The following GALK2 variants were observed in gnomAD, a reference collection of about 807,000 sequenced individuals.
GALK2 encodes galactokinase 2.
In GALK2, 36 loss-of-function variants were observed where a neutral mutation model predicts 52.4. That is an observed-to-expected ratio of 0.69 (90% CI 0.53 to 0.91). The LOEUF (loss-of-function observed/expected upper bound fraction) is 0.91, where lower values mean the gene tolerates loss of function less well. Among genes scored for constraint, GALK2 ranks in the 40% least tolerant of loss-of-function variants. The pLI is 0.00. For synonymous variants in GALK2, 176 were observed against 199.1 expected (o/e 0.88, Z 0.98); for missense variants, 579 against 559.1 (o/e 1.04, Z -0.36).
At chr15:49,286,714 A>G (rs925902177) in intron 7 of GALK2, among the ~76,000 whole-genome samples, 20 of 152,204 alleles carry the variant, frequency 1.3e-4, no homozygotes, top group Non-Finnish European at 2.9e-5. Context: ...AAACTTTTTA[A>G]TATCAAGGGT....
At chr15:49,192,108 C>A (rs191859058) in intron 1 of GALK2, among the ~76,000 whole-genome samples, 1 of 152,028 alleles carries the variant, frequency 6.6e-6, no homozygotes, top group African/African-American at 2.4e-5. Context: ...CACTTCCTTA[C>A]TTTCTGGTAT....
rs182664750 is a variant in GALK2 at position 49,237,332 on chromosome 15, C to G, written c.357+1391C>G. Among the ~76,000 whole-genome samples the G allele has an allele frequency of 5.4e-4, 83 of 152,298 alleles. 1 individual carries two copies. The highest frequency in any genetic ancestry group is 4.6e-3 in the Admixed American group (71 of 15,296). ...CTAGAAAGTTTCAGAGAATAATTCA[C>G]TTATATTACATTGAACATGTTATCC... is the stretch of plus-strand genomic sequence containing the variant. On this transcript the variant is annotated intron_variant, in intron 4 of 9. Coordinates refer to ENST00000560031, the MANE Select transcript of GALK2 (RefSeq NM_002044.4).
intron 1 of GALK2, chr15:49,156,708 A>G (rs568022763): frequency 1.3e-5 from 7 of 526,572 alleles, no homozygotes; most frequent in Admixed American, 6.7e-5. Context: ...CATAAACTTT[A>G]TCCAGAAACA....
intron 1 of GALK2, among the ~76,000 whole-genome samples, chr15:49,177,011 A>G (rs2085514417): frequency 6.6e-6 from 1 of 152,062 alleles, no homozygotes; most frequent in Non-Finnish European, 1.5e-5. Flanking sequence ...TCAATTTTAG[A>G]AATTTGTATT....
At chr15:49,224,654 T>A (rs2090024212) in intron 3 of GALK2, among the ~76,000 whole-genome samples, 1 of 152,224 alleles carries the variant, frequency 6.6e-6, no homozygotes, top group Admixed American at 6.5e-5. Flanking sequence ...CAGCTTTATT[T>A]CTGGGTTTTC....
At chr15:49,225,367 G>A (rs766605198) in intron 3 of GALK2, 92 of 390,138 alleles carry the variant, frequency 2.4e-4, no homozygotes, top group Non-Finnish European at 4.3e-4. Context: ...GTGGGTGAGT[G>A]AGCATTATTA....
intron 8 of GALK2, among the ~76,000 whole-genome samples, chr15:49,302,277 G>A (rs1596030288): frequency 6.6e-6 from 1 of 152,154 alleles, no homozygotes; most frequent in East Asian, 1.9e-4. Context: ...AGACTAAGGA[G>A]TAATGATAAA....
intron 3 of GALK2, among the ~76,000 whole-genome samples, chr15:49,226,161 A>G (rs2090123880): frequency 6.6e-6 from 1 of 152,104 alleles, no homozygotes. Flanking sequence ...CATTCCATAT[A>G]GGCTGGAGTA....
chr15:49,193,245 G>T (rs1010092958), intron 1 of GALK2, among the ~76,000 whole-genome samples: 1 of 151,926 alleles, frequency 6.6e-6, no homozygotes, highest in Non-Finnish European at 1.5e-5. Context: ...CAGTCCACTC[G>T]CCTTGGCCTC....
chr15:49,248,847 A>C lies in GALK2; in HGVS notation c.504+9480A>C, dbSNP rs558957791. The stretch of plus-strand genomic sequence containing the variant: ...GTTTACCTTTAGCGTAAACGAAGGC[A>C]AACAAGCATAATTAGGGAACAGCAG... On this transcript the variant is annotated intron_variant, in intron 5 of 9. Transcript: ENST00000560031. Among the ~76,000 whole-genome samples, 3 of 152,326 alleles carry C rather than the reference A, an allele frequency of 2.0e-5. No homozygotes were observed. The East Asian group carries it at 5.8e-4, about 29-fold the overall frequency.
intron 3 of GALK2, among the ~76,000 whole-genome samples, chr15:49,342,633 A>G (rs945983794): frequency 1.3e-5 from 2 of 152,056 alleles, no homozygotes; most frequent in Non-Finnish European, 2.9e-5. Context: ...ATCTGTGGCT[A>G]TATATTCAAG....
intron 3 of GALK2, among the ~76,000 whole-genome samples, chr15:49,356,037 T>C (rs1271908951): frequency 6.6e-6 from 1 of 151,760 alleles, no homozygotes; most frequent in Non-Finnish European, 1.5e-5. Flanking sequence ...GACAAGCAAA[T>C]GCTGAGAGAT....
At position 49,331,513 on chromosome 15, in the gene GALK2, G is replaced by A. The variant is rs557609552; in HGVS notation, c.*3354G>A. 5.9e-5 allele frequency: 23 copies of A among 392,868 alleles called. No individual in the cohort carries two copies. Among genetic ancestry groups the A allele is most frequent in the African/African-American group, 4.7e-4 (23 of 49,098 alleles). The allele number at this position is 392,868 out of a possible 1,614,324, so 24.3% of individuals were successfully genotyped here. A position where few individuals can be genotyped will look rare whatever the true frequency, so the allele number is the denominator to read the frequency against. Reference sequence around the variant, plus strand: ...TTTAAACATCAGTGATTATTAGTTTGTAATTCTAACTGCATTTGGAGCTTT... The same window carrying A: ...TTTAAACATCAGTGATTATTAGTTTATAATTCTAACTGCATTTGGAGCTTT... On this transcript the variant is annotated 3_prime_UTR_variant, in exon 10 of 10. Transcript: ENST00000560031.
chr15:49,181,789 A>G (rs1358305941), intron 1 of GALK2, among the ~76,000 whole-genome samples: 2 of 151,970 alleles, frequency 1.3e-5, no homozygotes, highest in Non-Finnish European at 2.9e-5. Flanking sequence ...AATTCCCCAA[A>G]CTTAACATTT....
intron 3 of GALK2, among the ~76,000 whole-genome samples, chr15:49,218,729 A>G (rs1026439950): frequency 6.6e-6 from 1 of 152,222 alleles, no homozygotes; most frequent in African/African-American, 2.4e-5. Context: ...TTTTGCCTGT[A>G]TGAATAATAC....
chr15:49,313,355 G>A (rs547609830), intron 8 of GALK2, among the ~76,000 whole-genome samples: 2 of 152,356 alleles, frequency 1.3e-5, no homozygotes, highest in South Asian at 4.1e-4. Flanking sequence ...CCTCAGATGT[G>A]AGGATAGCTT....
At chr15:49,312,633 C>T (rs961520613) in intron 8 of GALK2, among the ~76,000 whole-genome samples, 1 of 152,126 alleles carries the variant, frequency 6.6e-6, no homozygotes, top group Non-Finnish European at 1.5e-5. Context: ...CTTTTGTATA[C>T]CTATATATCC....
chr15:49,334,905 A>G (rs1166148245), downstream of GALK2, among the ~76,000 whole-genome samples: 5 of 152,202 alleles, frequency 3.3e-5, no homozygotes. Context: ...ACCCATTCCT[A>G]GCTTCCTAGC....
At chr15:49,221,740 T>C (rs568788964) in intron 3 of GALK2, among the ~76,000 whole-genome samples, 5 of 152,242 alleles carry the variant, frequency 3.3e-5, no homozygotes, top group African/African-American at 9.6e-5. Context: ...TTCTGGGTTC[T>C]CCCTTCTGTC....
Sources: gnomAD v4.1 joint callset for allele counts (sites outside exome capture counted in the v4.1 genomes callset) on GRCh38, gnomAD v4.1.1 for gene constraint, MANE v1.5 for transcripts, NCBI Gene and HGNC (gene_info 2026-07-23, HGNC 2026-07-21) for gene names.